DZIP1: variants seen among roughly 807,000 people sequenced by gnomAD.
The protein encoded by DZIP1 is DAZ interacting zinc finger protein 1.
A neutral mutation model predicts 107.6 loss-of-function variants in DZIP1; 97 were observed. The observed-to-expected ratio is 0.90, with a 90% CI of 0.77 to 1.07. DZIP1 has a LOEUF of 1.07. Among genes scored for constraint, DZIP1 ranks in the 50% least tolerant of loss-of-function variants. The pLI is 0.00. For missense variants in DZIP1, 1,035 were observed against 1,063.6 expected (o/e 0.97, Z 0.37); for synonymous variants, 390 against 386.4 (o/e 1.01, Z -0.11).
rs183331549 is a variant in DZIP1, at chr13:95,633,424, T to C, written c.598-103A>G. 2.1e-4 allele frequency: 205 copies of C among 960,058 alleles called. No individual in the cohort carries two copies. In the African/African-American group the frequency reaches 2.9e-3, roughly 14 times the overall value. The allele number at this position is 960,058 out of a possible 1,614,324, so 59.5% of individuals were successfully genotyped here. A position where few individuals can be genotyped will look rare whatever the true frequency, so the allele number is the denominator to read the frequency against. ...CTGGCCAGGCACTGTGGCTCACGCCTGTAATCCCAGCACTTTAGGAGGTCA... is the reference window on the plus strand; with the variant it reads ...CTGGCCAGGCACTGTGGCTCACGCCCGTAATCCCAGCACTTTAGGAGGTCA... On this transcript the variant is annotated intron_variant, in intron 5 of 22. Transcript: ENST00000376829.
Position 95,639,692 on chromosome 13 carries a change from T to C in DZIP1, c.597+1603A>G, listed in dbSNP as rs191197375. Among the ~76,000 whole-genome samples, 169 of 151,952 alleles carry C rather than the reference T, an allele frequency of 1.1e-3. 1 individual carries two copies. Among genetic ancestry groups the C allele is most frequent in the African/African-American group, 4.0e-3 (164 of 41,496 alleles). On this transcript the variant is annotated intron_variant, in intron 5 of 22. Transcript: ENST00000376829. ...TAACCCCAAAAAAGGAAAAAAAAGTTTATAAACATACAATTTCTGTATGTT... is the reference window on the plus strand; with the variant it reads ...TAACCCCAAAAAAGGAAAAAAAAGTCTATAAACATACAATTTCTGTATGTT...
intron 10 of DZIP1, among the ~76,000 whole-genome samples, chr13:95,612,953 T>C (rs1392389452): frequency 6.6e-6 from 1 of 151,548 alleles, no homozygotes; most frequent in Non-Finnish European, 1.5e-5. Flanking sequence ...CTCTGAGAAA[T>C]GTTTACTGAT....
At chr13:95,584,308 T>C (rs1254086433) in intron 22 of DZIP1, among the ~76,000 whole-genome samples, 1 of 147,244 alleles carries the variant, frequency 6.8e-6, no homozygotes, top group Non-Finnish European at 1.5e-5. Context: ...ATACAAACAA[T>C]TTGGGGGCCA....
chr13:95,578,543 C>A lies in DZIP1; in HGVS notation c.*3691G>T, dbSNP rs542824035. The stretch of plus-strand genomic sequence containing the variant: ...ACAACATTTATTTAAAAAGGTAAAT[C>A]TTTTTGTTGAAGCAGCAAGTTATCT... On this transcript the variant is annotated 3_prime_UTR_variant, in exon 23 of 23. Coordinates refer to ENST00000376829, the MANE Select transcript of DZIP1 (RefSeq NM_198968.4). 3 of 152,202 alleles carry A rather than the reference C, an allele frequency of 2.0e-5. No homozygotes were observed. Among genetic ancestry groups the A allele is most frequent in the South Asian group, 2.1e-4 (1 of 4,822 alleles). 9.4% of individuals were successfully genotyped at this position (152,202 alleles called of 1,614,324 possible).
At chr13:95,607,327 A>AT (rs2044814471) in intron 13 of DZIP1, among the ~76,000 whole-genome samples, 1 of 152,222 alleles carries the variant, frequency 6.6e-6, no homozygotes, top group African/African-American at 2.4e-5. Flanking sequence ...GATTACAGGC[A>AT]TGAGCCACCA....
At chr13:95,586,514 T>G (rs1457616153) in intron 20 of DZIP1, among the ~76,000 whole-genome samples, 3 of 152,136 alleles carry the variant, frequency 2.0e-5, no homozygotes, top group African/African-American at 7.2e-5. Context: ...GTTTACATTT[T>G]AAATCAAAGA....
chr13:95,615,619 T>C (rs1361926318), intron 10 of DZIP1, among the ~76,000 whole-genome samples: 3 of 152,208 alleles, frequency 2.0e-5, no homozygotes, highest in African/African-American at 4.8e-5. Context: ...GGGATTACCA[T>C]GTCAGAGCAT....
At chr13:95,626,632 A>T (rs902507993) in intron 7 of DZIP1, among the ~76,000 whole-genome samples, 1 of 152,226 alleles carries the variant, frequency 6.6e-6, no homozygotes, top group Non-Finnish European at 1.5e-5. Context: ...ATAACATAGA[A>T]TCCATAAGAA....
In DZIP1 at chr13:95,609,503, T is replaced by C. The variant is rs758960481; in HGVS notation, c.1374A>G (p.Leu458=). The change falls in exon 13 of 23, where the codon TTA becomes TTG. Residue 458 remains leucine, a synonymous_variant. Transcript: ENST00000376829. Reference sequence around the variant, plus strand: ...GCTGAGATTCAAAAGCCTGCCAGGCTAAAGGATTTCCTGAAATGACAGAAA... The same window carrying C: ...GCTGAGATTCAAAAGCCTGCCAGGCCAAAGGATTTCCTGAAATGACAGAAA... ...NSISEPKGNP[L]AWQAFESQPA... is the part of the protein sequence containing the mutation. 15 of 1,585,968 alleles carry C rather than the reference T, an allele frequency of 9.5e-6. No homozygotes were observed. The highest frequency in any genetic ancestry group is 2.7e-5 in the African/African-American group (2 of 73,640).
At chr13:95,601,891 G>T in intron 14 of DZIP1, among the ~76,000 whole-genome samples, 1 of 152,108 alleles carries the variant, frequency 6.6e-6, no homozygotes, top group Middle Eastern at 3.4e-3. Context: ...CCACCAAACC[G>T]CTGGTCTGTC....
intron 5 of DZIP1, among the ~76,000 whole-genome samples, chr13:95,634,142 C>A (rs1566429508): frequency 6.6e-6 from 1 of 152,156 alleles, no homozygotes; most frequent in Non-Finnish European, 1.5e-5. Context: ...GTCCTGCAGC[C>A]ATGCCAATCT....
chr13:95,602,383 C>T (rs1229865472), intron 14 of DZIP1, among the ~76,000 whole-genome samples: 1 of 152,150 alleles, frequency 6.6e-6, no homozygotes, highest in Non-Finnish European at 1.5e-5. Flanking sequence ...GAAATCTCTC[C>T]CCTGCCTGGA....
At chr13:95,604,128 C>T (rs921170396) in intron 14 of DZIP1, among the ~76,000 whole-genome samples, 2 of 152,220 alleles carry the variant, frequency 1.3e-5, no homozygotes, top group South Asian at 2.1e-4. Context: ...CCCAACCCTG[C>T]TTCTCTCACA....
chr13:95,584,107 G>A (rs1024271002), intron 22 of DZIP1, among the ~76,000 whole-genome samples: 17 of 151,820 alleles, frequency 1.1e-4, no homozygotes, highest in African/African-American at 4.1e-4. Context: ...CTCCCAAGTA[G>A]CTAGGACTAC....
intron 14 of DZIP1, among the ~76,000 whole-genome samples, chr13:95,603,777 A>G (rs1594675289): frequency 6.6e-6 from 1 of 152,292 alleles, no homozygotes; most frequent in Non-Finnish European, 1.5e-5. Context: ...TCATCCTATC[A>G]ACTGCCTTAG....
rs764740782 is a variant in DZIP1 at position 95,641,726 on chromosome 13, G to A, written c.166C>T (p.Pro56Ser). The change falls in exon 5 of 23, where the codon CCC becomes TCC. Residue 56 changes from proline (P) to serine (S), a missense_variant. Physicochemically the swap from Pro to Ser is moderately conservative, Grantham distance 74. Transcript: ENST00000376829. The surrounding 1 kb of genome is among the most constrained non-coding windows in gnomAD (Gnocchi z 4.3). Reference sequence around the variant, plus strand: ...AGCCGCGGCCTGAACTGGAAGAAGGGCAGGGGCCCCGAAGCCGCGCTGGGG... The same window carrying A: ...AGCCGCGGCCTGAACTGGAAGAAGGACAGGGGCCCCGAAGCCGCGCTGGGG... ...APPSAASGPL[P>S]FFQFRPRLES... is the part of the protein sequence containing the mutation. 1.3e-6 allele frequency: 2 copies of A among 1,597,622 alleles called. No homozygotes were observed. Among genetic ancestry groups the A allele is most frequent in the Non-Finnish European group, 1.7e-6 (2 of 1,177,276 alleles).
At chr13:95,612,684 A>AAG (rs2045051836) in intron 10 of DZIP1, among the ~76,000 whole-genome samples, 1 of 152,062 alleles carries the variant, frequency 6.6e-6, no homozygotes, top group South Asian at 2.1e-4. Context: ...TCCTGGCTTC[A>AAG]AGCAATTCTC....
intron 15 of DZIP1, 74 bp downstream of exon 15, chr13:95,599,291 T>C: frequency 7.6e-7 from 1 of 1,318,526 alleles, no homozygotes; most frequent in Non-Finnish European, 1.1e-6. Flanking sequence ...AACCACTGGC[T>C]CATATTTTCC....
chr13:95,634,108 T>A (rs903150971), intron 5 of DZIP1, among the ~76,000 whole-genome samples: 2 of 152,012 alleles, frequency 1.3e-5, no homozygotes, highest in African/African-American at 4.8e-5. Context: ...CCCCTGCCAC[T>A]CCAGCCACAC....
Sources: gnomAD v4.1 joint callset for allele counts (sites outside exome capture counted in the v4.1 genomes callset) on GRCh38, gnomAD v4.1.1 for gene constraint, Gnocchi (gnomAD v3.1) non-coding constraint, MANE v1.5 for transcripts, NCBI Gene and HGNC (gene_info 2026-07-23, HGNC 2026-07-21) for gene names.